LUZP2: variants seen among roughly 807,000 people sequenced by gnomAD.
LUZP2 encodes leucine zipper protein 2.
Under a neutral mutation model 51.6 loss-of-function variants are expected in LUZP2, and 52 were observed. The ratio of observed to expected loss-of-function variants is 1.01; its 90% CI spans 0.81 to 1.27. The LOEUF is 1.27. LUZP2 is among the 50% of genes most tolerant of loss of function. The probability of loss-of-function intolerance (pLI) is 0.00; values close to 1 mark genes in which losing one functional copy is unlikely to be tolerated. For missense variants in LUZP2, 436 were observed against 395.4 expected (o/e 1.10, Z -0.87); for synonymous variants, 154 against 137.3 (o/e 1.12, Z -0.85).
intron 1 of LUZP2, among the ~76,000 whole-genome samples, chr11:24,548,940 G>T (rs2133741304): frequency 6.6e-6 from 1 of 151,678 alleles, no homozygotes; most frequent in South Asian, 2.1e-4. Flanking sequence ...AATTTTAAAG[G>T]CCTAAAACAT....
chr11:24,657,329 G>T (rs568128485), intron 1 of LUZP2, among the ~76,000 whole-genome samples: 89 of 152,270 alleles, frequency 5.8e-4, no homozygotes, highest in African/African-American at 2.0e-3. Flanking sequence ...GCTAAATTTG[G>T]ACTGAGAAAC....
intron 6 of LUZP2, among the ~76,000 whole-genome samples, chr11:24,909,064 A>T (rs1197926706): frequency 1.3e-5 from 2 of 151,714 alleles, no homozygotes; most frequent in East Asian, 3.9e-4. Context: ...CCCAGCCAGG[A>T]TTTTGCTTTT....
chr11:24,784,680 A>T (rs1173283543), intron 5 of LUZP2, among the ~76,000 whole-genome samples: 1 of 152,032 alleles, frequency 6.6e-6, no homozygotes, highest in African/African-American at 2.4e-5. Context: ...GTCCTCCAGT[A>T]AAACAAGGCA....
At chr11:24,589,428 A>T (rs939466779) in intron 1 of LUZP2, among the ~76,000 whole-genome samples, 1 of 152,198 alleles carries the variant, frequency 6.6e-6, no homozygotes, top group Non-Finnish European at 1.5e-5. Flanking sequence ...GATATTCTTT[A>T]AAGTTCCTGT....
intron 9 of LUZP2, among the ~76,000 whole-genome samples, chr11:24,987,659 C>A (rs1052304152): frequency 2.0e-5 from 3 of 151,890 alleles, no homozygotes; most frequent in African/African-American, 7.2e-5. Context: ...CTTTCCAGGG[C>A]AGGAGGCCCT....
In LUZP2 at chr11:24,830,752, T is replaced by C. The variant is rs564280930; in HGVS notation, c.396+67444T>C. ...GCTCATGCCTGTAATCCCAGCACTT[T>C]GGGAGGCCGAGGCGGGCGGATCATG... On this transcript the variant is annotated intron_variant, in intron 5 of 11. Transcript: ENST00000336930. Among the ~76,000 whole-genome samples, 3 of 151,958 alleles carry C rather than the reference T, an allele frequency of 2.0e-5. No homozygotes were observed. In the South Asian group the frequency reaches 6.2e-4, roughly 32 times the overall value.
chr11:24,522,890 A>G (rs1051688496), intron 1 of LUZP2, among the ~76,000 whole-genome samples: 4 of 152,086 alleles, frequency 2.6e-5, no homozygotes, highest in African/African-American at 9.7e-5. Context: ...CCTACTTCCA[A>G]TATCTACATT....
intron 1 of LUZP2, among the ~76,000 whole-genome samples, chr11:24,629,847 C>T (rs1854817060): frequency 6.6e-6 from 1 of 151,862 alleles, no homozygotes; most frequent in Admixed American, 6.6e-5. Flanking sequence ...CACATCCTCA[C>T]TAACGTCTGT....
Position 24,865,780 on chromosome 11 carries a change from A to ATG in LUZP2, c.397-40193_397-40192dup, listed in dbSNP as rs71044316. Among the ~76,000 whole-genome samples, 8 of 149,182 alleles carry ATG rather than the reference A, an allele frequency of 5.4e-5. No homozygotes were observed. The South Asian group carries it at 1.3e-3, about 24-fold the overall frequency. ...TATATGTGTATATATATGCATGTAT[A>ATG]TGTGTGTGTGTGTGTGTGTATATAT... On this transcript the variant is annotated intron_variant, in intron 5 of 11. Coordinates refer to ENST00000336930, the MANE Select transcript of LUZP2 (RefSeq NM_001009909.4).
At chr11:25,012,022 C>G (rs1024983408) in intron 9 of LUZP2, among the ~76,000 whole-genome samples, 1 of 152,020 alleles carries the variant, frequency 6.6e-6, no homozygotes, top group Non-Finnish European at 1.5e-5. Context: ...CATTCCCTAC[C>G]CTTTTCTAAC....
chr11:24,844,397 A>T (rs887081306), intron 5 of LUZP2, among the ~76,000 whole-genome samples: 2 of 152,226 alleles, frequency 1.3e-5, no homozygotes, highest in Non-Finnish European at 2.9e-5. Flanking sequence ...GCAGCAAAGC[A>T]TTCAAGGGAA....
chr11:24,512,571 T>TCAAATAC (rs1476754807), intron 1 of LUZP2, among the ~76,000 whole-genome samples: 2 of 152,160 alleles, frequency 1.3e-5, no homozygotes, highest in Admixed American at 1.3e-4. Context: ...TATGGTACTT[T>TCAAATAC]TTATTTCAAA....
At chr11:24,857,266 C>A (rs1590647351) in intron 5 of LUZP2, among the ~76,000 whole-genome samples, 1 of 127,760 alleles carries the variant, frequency 7.8e-6, no homozygotes, top group East Asian at 2.1e-4. Flanking sequence ...ATATAAGATT[C>A]ATGGGGATAT....
chr11:24,786,001 A>G (rs998082534), intron 5 of LUZP2: 1 of 985,184 alleles, frequency 1.0e-6, no homozygotes, highest in Non-Finnish European at 1.2e-6. Flanking sequence ...TTGACCCTTC[A>G]AGTGGTACCC....
chr11:24,649,785 T>C (rs1313175931), intron 1 of LUZP2, among the ~76,000 whole-genome samples: 1 of 151,854 alleles, frequency 6.6e-6, no homozygotes, highest in Non-Finnish European at 1.5e-5. Flanking sequence ...TAATCTCAAG[T>C]TGCTGATGAT....
At chr11:24,569,098 TA>T (rs1385702499) in intron 1 of LUZP2, among the ~76,000 whole-genome samples, 9 of 151,826 alleles carry the variant, frequency 5.9e-5, no homozygotes, top group Non-Finnish European at 1.2e-4. Flanking sequence ...ATAAAACAGT[TA>T]AATGTCATAT....
At chr11:24,695,554 C>T (rs113268213) in intron 1 of LUZP2, among the ~76,000 whole-genome samples, 5 of 151,924 alleles carry the variant, frequency 3.3e-5, no homozygotes, top group Admixed American at 6.6e-5. Context: ...CTGTAGTACA[C>T]GAGAACTTAT....
At chr11:25,078,412 C>T (rs947963949) in intron 11 of LUZP2, 142 bp from the exon 12 acceptor site, 1 of 603,612 alleles carries the variant, frequency 1.7e-6, no homozygotes, top group Non-Finnish European at 2.8e-6. Context: ...ACATTTGTTT[C>T]ATTTCTGTCC....
intron 1 of LUZP2, among the ~76,000 whole-genome samples, chr11:24,726,763 G>A (rs891608207): frequency 1.8e-4 from 28 of 152,042 alleles, no homozygotes; most frequent in African/African-American, 6.8e-4. Flanking sequence ...GACATATGAA[G>A]CCAGTTACAG....
Sources: gnomAD v4.1 joint callset for allele counts (sites outside exome capture counted in the v4.1 genomes callset) on GRCh38, gnomAD v4.1.1 for gene constraint, MANE v1.5 for transcripts, NCBI Gene and HGNC (gene_info 2026-07-23, HGNC 2026-07-21) for gene names.